SH3RF1: variants seen among roughly 807,000 people sequenced by gnomAD.
The protein encoded by SH3RF1 is SH3 domain containing ring finger 1, also known as E3 ubiquitin-protein ligase SH3RF1.
In SH3RF1, 32 loss-of-function variants were observed where a neutral mutation model predicts 74.0. The observed-to-expected ratio is 0.43, with a 90% CI of 0.33 to 0.58. The LOEUF (loss-of-function observed/expected upper bound fraction) is 0.58, where lower values mean the gene tolerates loss of function less well. Ranked by LOEUF, SH3RF1 falls within the 20% of genes least tolerant of loss-of-function variation. The pLI is 0.05. For missense variants in SH3RF1, 954 were observed against 1,130.9 expected, an observed-to-expected ratio of 0.84 and a Z score of 2.24; for synonymous variants, 396 against 439.6, an observed-to-expected ratio of 0.90 and a Z score of 1.24.
rs573940258 is a variant in SH3RF1, at chr4:169,235,643, T to C, written c.393+33177A>G. On this transcript the variant is annotated intron_variant, in intron 2 of 11. Coordinates refer to ENST00000284637, the MANE Select transcript of SH3RF1 (RefSeq NM_020870.4). ...ATATAATAATATGCCATATTAATCATTACATCAGCAATGAGCATATATTAT... is the reference window on the plus strand; with the variant it reads ...ATATAATAATATGCCATATTAATCACTACATCAGCAATGAGCATATATTAT... 2.0e-5 allele frequency among the ~76,000 whole-genome samples: 3 copies of C among 152,326 alleles called. No individual in the cohort carries two copies. The South Asian group carries it at 6.2e-4, about 32-fold the overall frequency.
intron 2 of SH3RF1, among the ~76,000 whole-genome samples, chr4:169,226,307 T>G (rs990645814): frequency 1.3e-5 from 2 of 152,216 alleles, no homozygotes; most frequent in Non-Finnish European, 2.9e-5. Flanking sequence ...TCTTTCACAG[T>G]CACTTGACAT....
At chr4:169,143,779 T>C (rs1162389792) in intron 4 of SH3RF1, among the ~76,000 whole-genome samples, 1 of 152,242 alleles carries the variant, frequency 6.6e-6, no homozygotes, top group Non-Finnish European at 1.5e-5. Context: ...AAACATCAGT[T>C]ACGTAGCTCT....
intron 2 of SH3RF1, among the ~76,000 whole-genome samples, chr4:169,235,429 A>G (rs1730810635): frequency 6.6e-6 from 1 of 152,204 alleles, no homozygotes; most frequent in African/African-American, 2.4e-5. Flanking sequence ...CCCTTCCATG[A>G]TATGATAACT....
At chr4:169,098,029 C>T (rs1732960072) in intron 11 of SH3RF1, among the ~76,000 whole-genome samples, 1 of 152,256 alleles carries the variant, frequency 6.6e-6, no homozygotes, top group Non-Finnish European at 1.5e-5. Context: ...AGTTGAGCAT[C>T]AGCTCAGGCT....
intron 2 of SH3RF1, 132 bp downstream of exon 2, chr4:169,268,687 TA>T: frequency 1.1e-6 from 1 of 895,980 alleles, no homozygotes; most frequent in Middle Eastern, 3.7e-4. Context: ...TATTCAGAGG[TA>T]TAATCTATCT....
chr4:169,121,040 A>C (rs1216233919), intron 7 of SH3RF1, 51 bp from the exon 8 acceptor site: 21 of 1,460,274 alleles, frequency 1.4e-5, no homozygotes, highest in Middle Eastern at 1.8e-4. Flanking sequence ...GACAAATCCC[A>C]AGATGCTCAA....
intron 2 of SH3RF1, among the ~76,000 whole-genome samples, chr4:169,199,622 A>T (rs2660423): frequency 0.082 from 12,503 of 152,066 alleles, 614 homozygotes; most frequent in African/African-American, 0.13. Context: ...TGCGCAAAAA[A>T]AAAAAAATAA....
intron 2 of SH3RF1, among the ~76,000 whole-genome samples, chr4:169,212,087 A>ATTTTTT (rs1730386905): frequency 2.8e-5 from 3 of 108,698 alleles, no homozygotes; most frequent in Non-Finnish European, 5.4e-5. Flanking sequence ...TTTTTGAGAC[A>ATTTTTT]GAGTTTTGCT....
intron 2 of SH3RF1, among the ~76,000 whole-genome samples, chr4:169,178,190 G>A (rs1011758703): frequency 3.3e-5 from 5 of 151,016 alleles, no homozygotes; most frequent in East Asian, 1.9e-4. Flanking sequence ...GCAGTGAGCC[G>A]AGATTGCGCC....
chr4:169,108,395 G>A (rs1432573009), intron 10 of SH3RF1, among the ~76,000 whole-genome samples: 1 of 152,168 alleles, frequency 6.6e-6, no homozygotes, highest in African/African-American at 2.4e-5. Context: ...TGTTCCATTA[G>A]AGACAGTATG....
At chr4:169,253,747 T>G (rs1009481336) in intron 2 of SH3RF1, among the ~76,000 whole-genome samples, 1 of 152,164 alleles carries the variant, frequency 6.6e-6, no homozygotes, top group Non-Finnish European at 1.5e-5. Flanking sequence ...TCTAAAAGAT[T>G]TGCAAGCAGA....
chr4:169,225,557 G>T (rs1208392418), intron 2 of SH3RF1, among the ~76,000 whole-genome samples: 1 of 152,196 alleles, frequency 6.6e-6, no homozygotes, highest in African/African-American at 2.4e-5. Context: ...TGGGTAAAAG[G>T]CCAATGGATT....
At chr4:169,239,859 G>GA (rs111897560) in intron 2 of SH3RF1, among the ~76,000 whole-genome samples, 21 of 151,978 alleles carry the variant, frequency 1.4e-4, no homozygotes, top group African/African-American at 4.1e-4. Context: ...CGTCTCTAAT[G>GA]AAAAAAATAC....
chr4:169,237,193 G>A (rs1054245051), intron 2 of SH3RF1, among the ~76,000 whole-genome samples: 2 of 152,232 alleles, frequency 1.3e-5, no homozygotes, highest in Non-Finnish European at 2.9e-5. Flanking sequence ...AAGCAGAAGA[G>A]GAGTGATGTG....
chr4:169,172,215 T>C (rs1734342602), intron 2 of SH3RF1, among the ~76,000 whole-genome samples: 1 of 152,204 alleles, frequency 6.6e-6, no homozygotes, highest in African/African-American at 2.4e-5. Context: ...ACCAGCTCAG[T>C]TGCTTGCTGA....
At chr4:169,098,514 C>T (rs1732966999) in intron 11 of SH3RF1, among the ~76,000 whole-genome samples, 1 of 152,210 alleles carries the variant, frequency 6.6e-6, no homozygotes, top group Non-Finnish European at 1.5e-5. Flanking sequence ...AAAAACACAT[C>T]TCTGCAAAAG....
intron 4 of SH3RF1, among the ~76,000 whole-genome samples, chr4:169,142,546 A>G (rs1022050162): frequency 6.6e-6 from 1 of 152,216 alleles, no homozygotes; most frequent in African/African-American, 2.4e-5. Context: ...TGCATAAAGA[A>G]TAAGGTCGGG....
At chr4:169,172,426 T>C (rs1358407705) in intron 2 of SH3RF1, among the ~76,000 whole-genome samples, 1 of 152,228 alleles carries the variant, frequency 6.6e-6, no homozygotes, top group Non-Finnish European at 1.5e-5. Flanking sequence ...TCATGTAACA[T>C]GAGATTTATT....
chr4:169,217,643 C>T (rs6817198), intron 2 of SH3RF1, among the ~76,000 whole-genome samples: 6,321 of 152,142 alleles, frequency 0.042, 442 homozygotes, highest in African/African-American at 0.14. Context: ...CTACAAGGTC[C>T]TGGCTAGCTG....
Sources: allele counts gnomAD v4.1 joint callset (sites outside exome capture counted in the v4.1 genomes callset), GRCh38; gene constraint gnomAD v4.1.1; transcripts MANE v1.5; gene names NCBI Gene and HGNC (gene_info 2026-07-23, HGNC 2026-07-21).